The following TAFA2 variants were observed in gnomAD, a reference collection of about 807,000 sequenced individuals.
The protein encoded by TAFA2 is TAFA chemokine like family member 2.
A neutral mutation model predicts 18.8 loss-of-function variants in TAFA2; 7 were observed. That is an observed-to-expected ratio of 0.37 (90% CI 0.21 to 0.70). The LOEUF is 0.70. Ranked by LOEUF, TAFA2 falls within the 30% of genes least tolerant of loss-of-function variation. TAFA2 has a pLI of 0.53. For missense variants in TAFA2, 122 were observed against 158.1 expected (o/e 0.77, Z 1.23); for synonymous variants, 60 against 54.2 (o/e 1.11, Z -0.47).
chr12:61,904,741 C>T lies in TAFA2; in HGVS notation c.-1-37315G>A, dbSNP rs767453328. The stretch of plus-strand genomic sequence containing the variant: ...TACATATGAGAGAAAAATTTAGACT[C>T]ATTCCCTTTCCCTCATTCGGTCCCA... On this transcript the variant is annotated intron_variant, in intron 1 of 4. Transcript: ENST00000416284. Among the ~76,000 whole-genome samples the T allele has an allele frequency of 5.9e-5, 9 of 152,146 alleles. No homozygotes were observed. The South Asian group carries it at 1.7e-3, about 28-fold the overall frequency.
chr12:62,234,835 T>A (rs530913887), intron 1 of TAFA2: 1 of 1,027,158 alleles, frequency 9.7e-7, no homozygotes, highest in East Asian at 2.6e-5. Context: ...CTTACGAGAG[T>A]CCTGAGATCC....
At chr12:62,167,540 AC>A (rs2062448988) in intron 1 of TAFA2, among the ~76,000 whole-genome samples, 1 of 152,222 alleles carries the variant, frequency 6.6e-6, no homozygotes, top group African/African-American at 2.4e-5. Context: ...GGAAGAAGGT[AC>A]AGACATAAAT....
At chr12:61,978,193 T>C (rs1377443404) in intron 1 of TAFA2, among the ~76,000 whole-genome samples, 4 of 152,040 alleles carry the variant, frequency 2.6e-5, no homozygotes, top group African/African-American at 9.7e-5. Flanking sequence ...AAAGAGATAA[T>C]GTATACAAAA....
At chr12:61,847,940 T>C (rs1873473342) in intron 2 of TAFA2, among the ~76,000 whole-genome samples, 1 of 152,202 alleles carries the variant, frequency 6.6e-6, no homozygotes, top group Non-Finnish European at 1.5e-5. Flanking sequence ...GAATTCTCTA[T>C]TAGTGGGCTT....
chr12:61,973,656 C>G (rs565117918), intron 1 of TAFA2, among the ~76,000 whole-genome samples: 1 of 151,564 alleles, frequency 6.6e-6, no homozygotes, highest in Non-Finnish European at 1.5e-5. Flanking sequence ...AGTCCAATGT[C>G]CATACAAGTT....
chr12:62,047,636 A>T (rs887457962), intron 1 of TAFA2, among the ~76,000 whole-genome samples: 2 of 152,190 alleles, frequency 1.3e-5, no homozygotes, highest in African/African-American at 4.8e-5. Context: ...TTAAATACCT[A>T]TTAAACCAAA....
At position 61,809,731 on chromosome 12, in the gene TAFA2, T is replaced by C. The variant is rs191739725; in HGVS notation, c.107-54707A>G. ...ATAAGGGAAAACCAATTTTTACTTA[T>C]GGTTGAGGGTAGAAAAGCTTATTCT... On this transcript the variant is annotated intron_variant, in intron 2 of 4. Transcript: ENST00000416284. Among the ~76,000 whole-genome samples the C allele has an allele frequency of 1.5e-4, 22 of 151,564 alleles. 1 individual carries two copies. Among genetic ancestry groups the C allele is most frequent in the Admixed American group, 5.9e-4 (9 of 15,276 alleles).
At chr12:62,018,855 A>G (rs1881024892) in intron 1 of TAFA2, among the ~76,000 whole-genome samples, 1 of 152,254 alleles carries the variant, frequency 6.6e-6, no homozygotes, top group African/African-American at 2.4e-5. Context: ...GCTTCTGCAC[A>G]GCAAAAGAAA....
At chr12:62,250,854 C>A (rs555378007) in intron 1 of TAFA2, among the ~76,000 whole-genome samples, 1 of 149,540 alleles carries the variant, frequency 6.7e-6, no homozygotes, top group East Asian at 1.9e-4. Flanking sequence ...CTTTTTGCAA[C>A]GAGAACATGA....
chr12:62,139,721 C>A (rs1332662487), intron 1 of TAFA2, among the ~76,000 whole-genome samples: 1 of 152,124 alleles, frequency 6.6e-6, no homozygotes, highest in Non-Finnish European at 1.5e-5. Context: ...AAGGCCAACA[C>A]TTTGGGGAGA....
chr12:61,714,966 A>G (rs952247964), intron 4 of TAFA2, among the ~76,000 whole-genome samples: 5 of 152,162 alleles, frequency 3.3e-5, no homozygotes, highest in Admixed American at 3.3e-4. Flanking sequence ...TTCTAACACT[A>G]TGGGGTTGAA....
intron 2 of TAFA2, among the ~76,000 whole-genome samples, chr12:61,802,856 T>G (rs575349681): frequency 3.3e-5 from 5 of 152,142 alleles, no homozygotes; most frequent in African/African-American, 1.2e-4. Flanking sequence ...CTATATTCCA[T>G]AAATATGTGC....
intron 1 of TAFA2, among the ~76,000 whole-genome samples, chr12:62,090,748 T>C (rs1868676683): frequency 6.6e-6 from 1 of 152,090 alleles, no homozygotes; most frequent in African/African-American, 2.4e-5. Context: ...GCAGCATTCA[T>C]TTTCCATGGA....
chr12:62,151,767 C>T (rs2062330013), intron 1 of TAFA2, among the ~76,000 whole-genome samples: 2 of 152,080 alleles, frequency 1.3e-5, no homozygotes, highest in South Asian at 4.1e-4. Context: ...TGCTTTAGTC[C>T]AACAGGGCTT....
chr12:62,003,146 C>G (rs1880434516), intron 1 of TAFA2, among the ~76,000 whole-genome samples: 1 of 152,134 alleles, frequency 6.6e-6, no homozygotes, highest in Admixed American at 6.5e-5. Context: ...TTCTATCTTT[C>G]TCCATCTACA....
At chr12:61,906,999 C>A (rs1402236599) in intron 1 of TAFA2, among the ~76,000 whole-genome samples, 1 of 152,014 alleles carries the variant, frequency 6.6e-6, no homozygotes, top group African/African-American at 2.4e-5. Context: ...TTTATGTATT[C>A]ACAAAGACAT....
intron 1 of TAFA2, among the ~76,000 whole-genome samples, chr12:62,068,325 C>A (rs1359878646): frequency 6.6e-6 from 1 of 152,098 alleles, no homozygotes; most frequent in East Asian, 1.9e-4. Flanking sequence ...TCTCTGTGAA[C>A]CTCTGTTCAG....
At chr12:61,977,237 T>G (rs943209355) in intron 1 of TAFA2, among the ~76,000 whole-genome samples, 1 of 152,040 alleles carries the variant, frequency 6.6e-6, no homozygotes, top group African/African-American at 2.4e-5. Context: ...ACGGTAGATG[T>G]GATCAGCATT....
intron 1 of TAFA2, among the ~76,000 whole-genome samples, chr12:62,060,117 A>G (rs1450570015): frequency 6.6e-6 from 1 of 152,164 alleles, no homozygotes; most frequent in East Asian, 1.9e-4. Flanking sequence ...TTACTCCTTC[A>G]CTGAGGATAC....
Sources: allele counts gnomAD v4.1 joint callset (sites outside exome capture counted in the v4.1 genomes callset), GRCh38; gene constraint gnomAD v4.1.1; transcripts MANE v1.5; gene names NCBI Gene and HGNC (gene_info 2026-07-23, HGNC 2026-07-21).